Variants in PLCL2 observed in about 807,000 individuals in gnomAD.
PLCL2 encodes the protein inactive phospholipase C-like protein 2.
A neutral mutation model predicts 79.6 loss-of-function variants in PLCL2; 4 were observed. That is an observed-to-expected ratio of 0.05 (90% CI 0.02 to 0.11). PLCL2 has a LOEUF of 0.11. Among genes scored for constraint, PLCL2 ranks in the 10% least tolerant of loss-of-function variants. The probability of loss-of-function intolerance (pLI) is 1.00; values close to 1 mark genes in which losing one functional copy is unlikely to be tolerated. For missense variants in PLCL2, 895 were observed against 1,291.0 expected (o/e 0.69, Z 4.70); for synonymous variants, 484 against 457.7 (o/e 1.06, Z -0.73).
intron 1 of PLCL2, among the ~76,000 whole-genome samples, chr3:17,000,297 A>G (rs1043827243): frequency 6.6e-6 from 1 of 152,126 alleles, no homozygotes; most frequent in African/African-American, 2.4e-5. Flanking sequence ...CTGAACTAGA[A>G]TTATCTTGTA....
At chr3:16,932,506 T>C (rs1249961619) in intron 1 of PLCL2, among the ~76,000 whole-genome samples, 1 of 152,228 alleles carries the variant, frequency 6.6e-6, no homozygotes, top group Admixed American at 6.5e-5. Flanking sequence ...AGCAGTTTTG[T>C]TTGGAGGTAT....
At chr3:17,019,168 A>G (rs1165367177) in intron 3 of PLCL2, among the ~76,000 whole-genome samples, 1 of 152,236 alleles carries the variant, frequency 6.6e-6, no homozygotes, top group Admixed American at 6.5e-5. Context: ...TTCAACTGGT[A>G]AAGAGGAGGC....
intron 5 of PLCL2, among the ~76,000 whole-genome samples, chr3:17,071,681 C>G (rs1027738272): frequency 3.3e-5 from 5 of 151,954 alleles, no homozygotes; most frequent in African/African-American, 9.7e-5. Flanking sequence ...TAGCATATAT[C>G]TTATAGTCCA....
At chr3:17,054,843 T>C (rs2064877744) in intron 4 of PLCL2, among the ~76,000 whole-genome samples, 1 of 152,204 alleles carries the variant, frequency 6.6e-6, no homozygotes, top group Admixed American at 6.5e-5. Context: ...AAAGGTTCTT[T>C]CCTGGGAATT....
At chr3:16,891,583 A>G (rs1216629125) in intron 1 of PLCL2, among the ~76,000 whole-genome samples, 13 of 152,218 alleles carry the variant, frequency 8.5e-5, no homozygotes, top group Admixed American at 7.9e-4. Flanking sequence ...AGCCCCAACT[A>G]TGGGATCAAA....
At chr3:16,978,377 C>T (rs975310618) in intron 1 of PLCL2, among the ~76,000 whole-genome samples, 2 of 152,230 alleles carry the variant, frequency 1.3e-5, no homozygotes, top group Admixed American at 1.3e-4. Flanking sequence ...GAGTAAGATG[C>T]TTTGCTCTGG....
intron 1 of PLCL2, among the ~76,000 whole-genome samples, chr3:16,905,215 C>T (rs1050648538): frequency 2.0e-5 from 3 of 152,226 alleles, no homozygotes; most frequent in Middle Eastern, 3.4e-3. Flanking sequence ...GTGGGCACAG[C>T]GAGTGATGCA....
chr3:17,043,409 C>T (rs902235290), intron 4 of PLCL2, among the ~76,000 whole-genome samples: 2 of 152,218 alleles, frequency 1.3e-5, no homozygotes, highest in Non-Finnish European at 2.9e-5. Flanking sequence ...GGCATTTTCG[C>T]GTGCTGATAA....
At chr3:17,041,215 T>C (rs998560034) in intron 3 of PLCL2, among the ~76,000 whole-genome samples, 2 of 152,234 alleles carry the variant, frequency 1.3e-5, no homozygotes, top group Non-Finnish European at 2.9e-5. Flanking sequence ...TTTTAATTTA[T>C]GGGAATGACT....
At chr3:16,947,266 G>A (rs1469374609) in intron 1 of PLCL2, among the ~76,000 whole-genome samples, 1 of 152,060 alleles carries the variant, frequency 6.6e-6, no homozygotes, top group African/African-American at 2.4e-5. Flanking sequence ...TTATTCTTAT[G>A]AGTCATCATT....
At chr3:16,907,304 G>T (rs1696773756) in intron 1 of PLCL2, among the ~76,000 whole-genome samples, 1 of 152,122 alleles carries the variant, frequency 6.6e-6, no homozygotes, top group African/African-American at 2.4e-5. Context: ...TTTAGTTCTT[G>T]GGTAGGCTTA....
At chr3:16,909,809 C>CA (rs1363466674) in intron 1 of PLCL2, among the ~76,000 whole-genome samples, 1 of 152,122 alleles carries the variant, frequency 6.6e-6, no homozygotes, top group Non-Finnish European at 1.5e-5. Flanking sequence ...TTGAATAATT[C>CA]AGAAATTTAA....
At chr3:17,064,136 G>T (rs1347002529) in intron 4 of PLCL2, among the ~76,000 whole-genome samples, 1 of 152,128 alleles carries the variant, frequency 6.6e-6, no homozygotes. Flanking sequence ...ACCCAGAAAA[G>T]TTCTTTATAC....
intron 3 of PLCL2, among the ~76,000 whole-genome samples, chr3:17,022,087 G>T (rs1200875694): frequency 2.0e-5 from 3 of 152,026 alleles, no homozygotes; most frequent in African/African-American, 4.8e-5. Flanking sequence ...TCTGTTTAGA[G>T]CATTTTTATT....
At chr3:17,065,600 G>A (rs749539850) in intron 4 of PLCL2, among the ~76,000 whole-genome samples, 2 of 152,176 alleles carry the variant, frequency 1.3e-5, no homozygotes, top group African/African-American at 2.4e-5. Context: ...TCTGCCCCTA[G>A]CAGAATGAGG....
At chr3:17,064,401 A>AATTATTGTC (rs2064987028) in intron 4 of PLCL2, among the ~76,000 whole-genome samples, 2 of 152,160 alleles carry the variant, frequency 1.3e-5, no homozygotes, top group East Asian at 3.9e-4. Flanking sequence ...TTTTACACAT[A>AATTATTGTC]TGATTATATC....
intron 1 of PLCL2, among the ~76,000 whole-genome samples, chr3:16,927,101 T>G (rs1222685537): frequency 6.6e-6 from 1 of 152,236 alleles, no homozygotes; most frequent in Non-Finnish European, 1.5e-5. Context: ...CAGACTAATT[T>G]TTTTTATAGC....
At chr3:16,891,188 T>G (rs1268837764) in intron 1 of PLCL2, among the ~76,000 whole-genome samples, 4 of 152,222 alleles carry the variant, frequency 2.6e-5, no homozygotes, top group Admixed American at 2.6e-4. Flanking sequence ...GGGGCTTGGA[T>G]TAGATCCTGG....
intron 1 of PLCL2, among the ~76,000 whole-genome samples, chr3:16,942,408 A>G (rs1473549656): frequency 2.6e-5 from 4 of 151,768 alleles, no homozygotes; most frequent in African/African-American, 4.8e-5. Context: ...AAGGTTTCCT[A>G]TCAACTTCCC....
Sources: gnomAD v4.1 joint callset for allele counts (sites outside exome capture counted in the v4.1 genomes callset) on GRCh38, gnomAD v4.1.1 for gene constraint, MANE v1.5 for transcripts, NCBI Gene and HGNC (gene_info 2026-07-23, HGNC 2026-07-21) for gene names.